CMIP: variants seen among roughly 807,000 people sequenced by gnomAD.
The protein encoded by CMIP is C-Maf-inducing protein.
Under a neutral mutation model 97.3 loss-of-function variants are expected in CMIP, and 13 were observed. That is an observed-to-expected ratio of 0.13 (90% CI 0.09 to 0.21). The LOEUF is 0.21. Among genes scored for constraint, CMIP ranks in the 10% least tolerant of loss-of-function variants. The pLI is 1.00. For synonymous variants in CMIP, 538 were observed against 436.3 expected (o/e 1.23, Z -2.91); for missense variants, 847 against 1,024.9 (o/e 0.83, Z 2.37).
chr16:81,586,483 G>A (rs903994535), intron 1 of CMIP, among the ~76,000 whole-genome samples: 3 of 152,100 alleles, frequency 2.0e-5, no homozygotes, highest in African/African-American at 7.2e-5. Flanking sequence ...CATTTACCTA[G>A]TGTCTCCCGT....
Position 81,627,439 on chromosome 16 carries a change from C to T in CMIP, c.477+6513C>T, listed in dbSNP as rs144472540. Among the ~76,000 whole-genome samples, 8 of 152,152 alleles carry T rather than the reference C, an allele frequency of 5.3e-5. No individual in the cohort carries two copies. The East Asian group carries it at 1.2e-3, about 22-fold the overall frequency. ...CGCGTGGGAGCCTCTCATGCGCCAT[C>T]ATCAGTGTCTCCAAGTGGGTCCGAC... On this transcript the variant is annotated intron_variant, in intron 3 of 20. Transcript: ENST00000537098. This position sits in a 1 kb window ranked among gnomAD's most constrained non-coding sequence, Gnocchi z 4.6.
chr16:81,622,634 C>T (rs556092592), intron 3 of CMIP, among the ~76,000 whole-genome samples: 1 of 152,250 alleles, frequency 6.6e-6, no homozygotes, highest in Admixed American at 6.5e-5. Context: ...ACACTGCCTA[C>T]CCGACAGGTT....
At chr16:81,510,086 G>C (rs1375829607) in intron 1 of CMIP, among the ~76,000 whole-genome samples, 1 of 152,220 alleles carries the variant, frequency 6.6e-6, no homozygotes, top group Non-Finnish European at 1.5e-5. Context: ...TTTGGCAAAA[G>C]CTCTGCTCAC....
chr16:81,545,305 C>T (rs546708633), intron 1 of CMIP, among the ~76,000 whole-genome samples: 18 of 152,298 alleles, frequency 1.2e-4, no homozygotes, highest in African/African-American at 3.6e-4. Flanking sequence ...GCAGACGAAC[C>T]CGTCCTTGTA....
chr16:81,584,403 A>T (rs1323867929), intron 1 of CMIP, among the ~76,000 whole-genome samples: 1 of 152,218 alleles, frequency 6.6e-6, no homozygotes, highest in African/African-American at 2.4e-5. Context: ...GGAGACTCTT[A>T]ATCCAGTTTT....
chr16:81,646,316 ATGGTAGG>A (rs1455372530), intron 3 of CMIP, among the ~76,000 whole-genome samples: 1 of 151,686 alleles, frequency 6.6e-6, no homozygotes, highest in East Asian at 1.9e-4. Flanking sequence ...GTGTGGGTGA[ATGGTAGG>A]TGGGTGAGTA....
Position 81,678,324 on chromosome 16 carries a change from C to G in CMIP, c.1084C>G (p.Pro362Ala). ...GGAAATCCGGAACGGCTGCCAGCAG[C>G]CGTGCGACCGGAAGCCCACTTTACC... is the stretch of plus-strand genomic sequence containing the variant. ...LKEIRNGCQQPCDRKPTLPLR... is the reference protein window; with the variant it reads ...LKEIRNGCQQACDRKPTLPLR... Residue 362 changes from proline to alanine, a missense_variant, in exon 10 of 21, where the codon CCG becomes GCG. Physicochemically the swap from Pro to Ala is conservative, Grantham distance 27 (BLOSUM62 -1). This residue lies in a region of CMIP where 202 missense variants were observed against 168.7 expected (regional missense o/e 1.20). Coordinates refer to ENST00000537098, the MANE Select transcript of CMIP (RefSeq NM_198390.3). The G allele has an allele frequency of 6.2e-7, 1 of 1,610,244 alleles. No individual in the cohort carries two copies. Among genetic ancestry groups the G allele is most frequent in the Non-Finnish European group, 8.5e-7 (1 of 1,177,988 alleles).
intron 1 of CMIP, among the ~76,000 whole-genome samples, chr16:81,555,050 C>A (rs4889338): frequency 0.93 from 141,554 of 152,120 alleles, 66,727 homozygotes; most frequent in East Asian, 1. Flanking sequence ...TTGGTGCCTC[C>A]TCTGTGCCAT....
chr16:81,599,949 C>A (rs1043045020), intron 1 of CMIP, among the ~76,000 whole-genome samples: 3 of 152,002 alleles, frequency 2.0e-5, no homozygotes, highest in Admixed American at 6.6e-5. Flanking sequence ...GTGAGGCTAG[C>A]GTCTGCATAG....
intron 1 of CMIP, among the ~76,000 whole-genome samples, chr16:81,470,298 G>A (rs1194864729): frequency 1.4e-5 from 2 of 145,402 alleles, no homozygotes; most frequent in African/African-American, 2.4e-5. Context: ...CCATCCAGGC[G>A]CCCCGTCCAG....
At chr16:81,657,126 C>T (rs187405432) in intron 4 of CMIP, among the ~76,000 whole-genome samples, 312 of 152,194 alleles carry the variant, frequency 2.1e-3, no homozygotes, top group Middle Eastern at 3.4e-3. Context: ...GTAACAGTTA[C>T]CAATTATTTA....
intron 10 of CMIP, among the ~76,000 whole-genome samples, chr16:81,684,531 G>C (rs1905192388): frequency 6.6e-6 from 1 of 152,236 alleles, no homozygotes; most frequent in Non-Finnish European, 1.5e-5. Flanking sequence ...TCTGAACTGG[G>C]TTAAAATCCC....
chr16:81,470,725 T>C (rs1252807327), intron 1 of CMIP, among the ~76,000 whole-genome samples: 1 of 152,248 alleles, frequency 6.6e-6, no homozygotes, highest in Non-Finnish European at 1.5e-5. Flanking sequence ...CCCATACTGC[T>C]GGGATTACGA....
chr16:81,693,373 C>T, intron 12 of CMIP, 66 bp from the exon 13 acceptor site: 2 of 1,573,710 alleles, frequency 1.3e-6, no homozygotes, highest in Non-Finnish European at 1.7e-6. Flanking sequence ...CCATCCCCTC[C>T]CCTTCCCACA....
At chr16:81,515,919 A>G (rs2089903617) in intron 1 of CMIP, among the ~76,000 whole-genome samples, 1 of 152,126 alleles carries the variant, frequency 6.6e-6, no homozygotes, top group African/African-American at 2.4e-5. Context: ...TGGCACCTGC[A>G]ACTCCTCCGT....
chr16:81,578,244 A>G (rs28550435), intron 1 of CMIP, among the ~76,000 whole-genome samples: 10,414 of 152,280 alleles, frequency 0.068, 723 homozygotes, highest in African/African-American at 0.17. Context: ...CATCACCACC[A>G]TCATCTTCGT....
intron 16 of CMIP, 36 bp from the exon 17 acceptor site, chr16:81,702,586 A>G (rs1162672529): frequency 1.2e-6 from 2 of 1,605,342 alleles, no homozygotes; most frequent in African/African-American, 1.3e-5. Context: ...AACTTGGGGA[A>G]AAGAATGGTT....
chr16:81,480,408 C>G (rs1272592147), intron 1 of CMIP, among the ~76,000 whole-genome samples: 1 of 152,226 alleles, frequency 6.6e-6, no homozygotes, highest in Non-Finnish European at 1.5e-5. Flanking sequence ...GGCGTGGTGA[C>G]ACACACCTGT....
In CMIP at chr16:81,500,447, TCCTC is replaced by T. The variant is rs772620125; in HGVS notation, c.300+54920_300+54923del. On this transcript the variant is annotated intron_variant, in intron 1 of 20. Transcript: ENST00000537098. ...CCTCCCTCCCTCTCTCTCTCTCCCTTCCTCCCTCCCTCCCTCCTTCTTTCCTCCC... is the reference window on the plus strand; with the variant it reads ...CCTCCCTCCCTCTCTCTCTCTCCCTTCCTCCCTCCCTCCTTCTTTCCTCCC... 2.7e-4 allele frequency among the ~76,000 whole-genome samples: 30 copies of T among 112,586 alleles called. No individual in the cohort carries two copies. The East Asian group carries it at 4.3e-3, about 16-fold the overall frequency. 73.9% of individuals were successfully genotyped at this position (112,586 alleles called of 152,430 possible). A position where few individuals can be genotyped will look rare whatever the true frequency, so the allele number is the denominator to read the frequency against.
Sources: gnomAD v4.1 joint callset for allele counts (sites outside exome capture counted in the v4.1 genomes callset) on GRCh38, gnomAD v4.1.1 for gene constraint, gnomAD v4.1.1 regional missense constraint, Gnocchi (gnomAD v3.1) non-coding constraint, MANE v1.5 for transcripts, NCBI Gene and HGNC (gene_info 2026-07-23, HGNC 2026-07-21) for gene names.